The following NCAN variants were observed in gnomAD, a reference collection of about 807,000 sequenced individuals.
The protein encoded by NCAN is neurocan core protein.
Under a neutral mutation model 121.8 loss-of-function variants are expected in NCAN, and 47 were observed. The observed-to-expected ratio is 0.39, with a 90% CI of 0.31 to 0.49. The LOEUF (loss-of-function observed/expected upper bound fraction) is 0.49, where lower values mean the gene tolerates loss of function less well. NCAN is among the 20% of genes least tolerant of loss of function. NCAN has a pLI of 0.92. For synonymous variants in NCAN, 633 were observed against 702.0 expected, an observed-to-expected ratio of 0.90 and a Z score of 1.55; for missense variants, 1,517 against 1,773.4, an observed-to-expected ratio of 0.86 and a Z score of 2.60.
intron 11 of NCAN, chr19:19,238,879 G>A (rs2060891542): frequency 4.6e-6 from 1 of 219,682 alleles, no homozygotes; most frequent in Admixed American, 5.2e-5. Flanking sequence ...CAAAGACCTA[G>A]GAGAGAGACA....
chr19:19,226,447 C>A (rs1330300925), intron 6 of NCAN, 39 bp from the exon 7 acceptor site: 8 of 1,477,432 alleles, frequency 5.4e-6, no homozygotes, highest in Non-Finnish European at 1.8e-6. Flanking sequence ...CCCAGGCAAC[C>A]CCTGGGCCTA....
Position 19,225,079 on chromosome 19 carries a change from A to G in NCAN, c.881A>G (p.His294Arg). Residue 294 changes from histidine to arginine, a missense_variant, in exon 6 of 15, where the codon CAC (histidine) becomes CGC (arginine). Transcript: ENST00000252575. The surrounding 1 kb of genome is among the most constrained non-coding windows in gnomAD (Gnocchi z 4.0). ...GCGCTGGCCTCGGTGGGACAGCTGC[A>G]CCTGGCCTGGCATGAGGGCCTGGAC... ...GAALASVGQL[H>R]LAWHEGLDQC... is the part of the protein sequence containing the mutation. 1 of 1,528,560 alleles carries G rather than the reference A, an allele frequency of 6.5e-7. No homozygotes were observed. The highest frequency in any genetic ancestry group is 2.0e-5 in the Admixed American group (1 of 50,708). 94.7% of individuals were successfully genotyped at this position (1,528,560 alleles called of 1,614,324 possible). A position where few individuals can be genotyped will look rare whatever the true frequency, so the allele number is the denominator to read the frequency against.
At chr19:19,235,328 G>A (rs141368421) in intron 10 of NCAN, among the ~76,000 whole-genome samples, 1 of 152,172 alleles carries the variant, frequency 6.6e-6, no homozygotes, top group Admixed American at 6.5e-5. Flanking sequence ...GGAGTGCAGT[G>A]GCGCCATCTC....
intron 5 of NCAN, 64 bp downstream of exon 5, chr19:19,224,497 A>C: frequency 6.4e-7 from 1 of 1,567,616 alleles, no homozygotes; most frequent in Non-Finnish European, 8.7e-7. Flanking sequence ...TATTCTCCCC[A>C]ACTCCCATCC....
rs1412260150 is a variant in NCAN at position 19,212,399 on chromosome 19, G to A, written c.-8+335G>A. Among the ~76,000 whole-genome samples, 1 of 152,060 alleles carries A rather than the reference G, an allele frequency of 6.6e-6. No homozygotes were observed. The highest frequency in any genetic ancestry group is 1.9e-4 in the East Asian group (1 of 5,170). The stretch of plus-strand genomic sequence containing the variant: ...AGGGGCCCCCCGAGTTTGGAGGGAA[G>A]AAGAGGACACCCAGATGCCGAATGG... On this transcript the variant is annotated intron_variant, in intron 1 of 14. Transcript: ENST00000252575. This position sits in a 1 kb window ranked among gnomAD's most constrained non-coding sequence, Gnocchi z 4.5.
In NCAN at chr19:19,225,165, C is replaced by T; in HGVS notation, c.967C>T (p.Arg323Trp). The T allele has an allele frequency of 1.3e-6, 2 of 1,531,758 alleles. No individual in the cohort carries two copies. Among genetic ancestry groups the T allele is most frequent in the Non-Finnish European group, 1.7e-6 (2 of 1,150,208 alleles). The allele number at this position is 1,531,758 out of a possible 1,614,324, so 94.9% of individuals were successfully genotyped here. A position where few individuals can be genotyped will look rare whatever the true frequency, so the allele number is the denominator to read the frequency against. ...GCGCTACCCGATCCAGACGCCGCGC[C>T]GGCGCTGCGGGGGCCCAGCCCCGGG... Reference protein sequence around the residue: ...SVRYPIQTPRRRCGGPAPGVR... With the variant: ...SVRYPIQTPRWRCGGPAPGVR... The change falls in exon 6 of 15, where the codon CGG becomes TGG. Residue 323 changes from arginine (R) to tryptophan (W), a missense_variant. Arg to Trp is a moderately radical substitution (Grantham distance 101). Transcript: ENST00000252575. This position sits in a 1 kb window ranked among gnomAD's most constrained non-coding sequence, Gnocchi z 4.0.
At chr19:19,234,917 T>C in intron 9 of NCAN, 66 bp from the exon 10 acceptor site, 1 of 1,023,572 alleles carries the variant, frequency 9.8e-7, no homozygotes, top group Non-Finnish European at 1.5e-6. Context: ...TCTGCTTAGT[T>C]TCCTGTGGGG....
intron 8 of NCAN, among the ~76,000 whole-genome samples, chr19:19,230,369 A>G (rs1411013723): frequency 6.9e-6 from 1 of 144,328 alleles, no homozygotes; most frequent in Non-Finnish European, 1.5e-5. Context: ...TATTAACACC[A>G]TTGATGTTTA....
At chr19:19,247,783 C>T (rs368358296) in intron 13 of NCAN, among the ~76,000 whole-genome samples, 6 of 152,166 alleles carry the variant, frequency 3.9e-5, no homozygotes, top group Admixed American at 1.3e-4. Flanking sequence ...GAGGTGTGTC[C>T]GGGAGGTTGC....
chr19:19,241,950 T>A (rs1389450483), intron 12 of NCAN, among the ~76,000 whole-genome samples: 1 of 152,120 alleles, frequency 6.6e-6, no homozygotes, highest in East Asian at 1.9e-4. Flanking sequence ...ATCCCAGCAC[T>A]TTGGAAGGCC....
Position 19,240,637 on chromosome 19 carries a change from C to T in NCAN, c.3444C>T (p.Asn1148=), listed in dbSNP as rs756903565. ...FGHENTWIGL[N]DRIVERDFQW... is the part of the protein sequence containing the mutation. ...ATGAAAACACGTGGATCGGCCTGAA[C>T]GACAGGATCGTGGAGAGAGATTTCC... Residue 1148 remains asparagine, a synonymous_variant, in exon 12 of 15, where the codon AAC becomes AAT. Coordinates refer to ENST00000252575, the MANE Select transcript of NCAN (RefSeq NM_004386.3). 3.4e-5 allele frequency: 55 copies of T among 1,613,962 alleles called. No homozygotes were observed. Among genetic ancestry groups the T allele is most frequent in the African/African-American group, 2.4e-4 (18 of 74,946 alleles).
At chr19:19,229,534 C>A (rs1289752362) in intron 8 of NCAN, among the ~76,000 whole-genome samples, 1 of 152,172 alleles carries the variant, frequency 6.6e-6, no homozygotes, top group Non-Finnish European at 1.5e-5. Flanking sequence ...AGAATCACCC[C>A]CATTCTACAG....
At chr19:19,215,374 T>A (rs1279446130) in intron 1 of NCAN, among the ~76,000 whole-genome samples, 1 of 152,194 alleles carries the variant, frequency 6.6e-6, no homozygotes, top group African/African-American at 2.4e-5. Flanking sequence ...AGTGGGAGGT[T>A]TTGGGGAGGG....
In NCAN at chr19:19,250,836, G is replaced by C. The variant is rs1325148010; in HGVS notation, c.*925G>C. 1 of 157,804 alleles carries C rather than the reference G, an allele frequency of 6.3e-6. No homozygotes were observed. Among genetic ancestry groups the C allele is most frequent in the African/African-American group, 2.4e-5 (1 of 41,866 alleles). The allele number at this position is 157,804 out of a possible 1,614,324, so 9.8% of individuals were successfully genotyped here. A position where few individuals can be genotyped will look rare whatever the true frequency, so the allele number is the denominator to read the frequency against. On this transcript the variant is annotated 3_prime_UTR_variant, in exon 15 of 15. Transcript: ENST00000252575. ...GACATTGGTAGTGCCCCTGCCCTGG[G>C]TCCCACTCCTGCCCCACCCCACCCT...
In NCAN at chr19:19,212,485, G is replaced by T. The variant is rs1028785800; in HGVS notation, c.-8+421G>T. Among the ~76,000 whole-genome samples the T allele has an allele frequency of 2.0e-5, 3 of 151,762 alleles. No homozygotes were observed. Among genetic ancestry groups the T allele is most frequent in the African/African-American group, 7.3e-5 (3 of 41,308 alleles). ...GAGACACCCCAGGATTTTAAGTAGG[G>T]ATTCCCAATTTGCGGTTGAATGGAG... On this transcript the variant is annotated intron_variant, in intron 1 of 14. Coordinates refer to ENST00000252575, the MANE Select transcript of NCAN (RefSeq NM_004386.3). The surrounding 1 kb of genome is among the most constrained non-coding windows in gnomAD (Gnocchi z 4.5).
chr19:19,219,026 C>G lies in NCAN; in HGVS notation c.185C>G (p.Thr62Ser). 1.9e-6 allele frequency: 3 copies of G among 1,611,092 alleles called. No individual in the cohort carries two copies. The highest frequency in any genetic ancestry group is 2.5e-6 in the Non-Finnish European group (3 of 1,178,306). Residue 62 changes from threonine to serine, a missense_variant, in exon 3 of 15, where the codon ACC (threonine) becomes AGC (serine). By Grantham distance (58) the Thr-to-Ser change is moderately conservative. Coordinates refer to ENST00000252575, the MANE Select transcript of NCAN (RefSeq NM_004386.3). ...AELVALPCLF[T>S]LQPRPSAARD... ...CTGGTGGCCCTGCCCTGTCTCTTTA[C>G]CCTGCAGCCACGGCCAAGCGCAGCC...
intron 9 of NCAN, 82 bp downstream of exon 9, chr19:19,233,987 A>G: frequency 1.2e-6 from 1 of 842,370 alleles, no homozygotes; most frequent in Non-Finnish European, 2.0e-6. Context: ...CCATGCCCTC[A>G]GAATTCAGAG....
At chr19:19,241,245 C>T (rs540907239) in intron 12 of NCAN, among the ~76,000 whole-genome samples, 68 of 150,244 alleles carry the variant, frequency 4.5e-4, no homozygotes, top group African/African-American at 1.5e-3. Flanking sequence ...GATGATAGAA[C>T]GAGATCCTGT....
intron 8 of NCAN, among the ~76,000 whole-genome samples, chr19:19,232,291 A>C (rs1371630216): frequency 5.9e-5 from 9 of 152,172 alleles, no homozygotes; most frequent in Non-Finnish European, 1.0e-4. Flanking sequence ...CGCCGCTTGC[A>C]GAAGAAATGC....
Sources: allele counts gnomAD v4.1 joint callset (sites outside exome capture counted in the v4.1 genomes callset), GRCh38; gene constraint gnomAD v4.1.1; non-coding constraint Gnocchi (gnomAD v3.1); transcripts MANE v1.5; gene names NCBI Gene and HGNC (gene_info 2026-07-23, HGNC 2026-07-21).